Variants in GEM observed in about 807,000 individuals in gnomAD.
GEM encodes the protein GTP binding protein overexpressed in skeletal muscle, also known as GTP-binding protein GEM.
Under a neutral mutation model 33.0 loss-of-function variants are expected in GEM, and 31 were observed. That is an observed-to-expected ratio of 0.94 (90% CI 0.71 to 1.27). The LOEUF (loss-of-function observed/expected upper bound fraction) is 1.27, where lower values mean the gene tolerates loss of function less well. Ranked by LOEUF, GEM falls within the 50% of genes most tolerant of loss-of-function variation. The pLI, the probability that GEM is intolerant of heterozygous loss-of-function variation, is 0.00. For synonymous variants in GEM, 141 were observed against 143.7 expected, an observed-to-expected ratio of 0.98 and a Z score of 0.13; for missense variants, 354 against 390.5, an observed-to-expected ratio of 0.91 and a Z score of 0.79.
At chr8:94,259,408 G>A (rs1003318532) in intron 2 of GEM, among the ~76,000 whole-genome samples, 5 of 152,126 alleles carry the variant, frequency 3.3e-5, no homozygotes, top group Non-Finnish European at 5.9e-5. Flanking sequence ...TACCCTGGTC[G>A]CATACGCTCA....
chr8:94,251,331 G>T (rs991328423), intron 4 of GEM, among the ~76,000 whole-genome samples: 1 of 152,160 alleles, frequency 6.6e-6, no homozygotes, highest in African/African-American at 2.4e-5. Context: ...GATTACTGTA[G>T]ACAGTTGTGT....
chr8:94,252,105 C>A lies in GEM; in HGVS notation c.527G>T (p.Arg176Leu), dbSNP rs759240105. 7 of 1,613,980 alleles carry A rather than the reference C, an allele frequency of 4.3e-6. No individual in the cohort carries two copies. The African/African-American group carries it at 5.3e-5, about 12-fold the overall frequency. The change falls in exon 4 of 5, where the codon CGC (arginine) becomes CTC (leucine). Residue 176 changes from arginine (R) to leucine (L), a missense_variant. Transcript: ENST00000297596. ...EKASELRIQL[R>L]RARQTEDIPI... ...AATGTCCTCTGTCTGCCGGGCCCTGCGGAGCTGGATTCGCAGCTCAGATGC... is the reference window on the plus strand; with the variant it reads ...AATGTCCTCTGTCTGCCGGGCCCTGAGGAGCTGGATTCGCAGCTCAGATGC...
At chr8:94,254,900 C>T (rs17734840) in intron 2 of GEM, among the ~76,000 whole-genome samples, 13,432 of 152,278 alleles carry the variant, frequency 0.088, 707 homozygotes, top group Middle Eastern at 0.21. Context: ...TCTCGCCCAT[C>T]GTGTGCCTGC....
intron 1 of GEM, among the ~76,000 whole-genome samples, chr8:94,261,047 C>G (rs1409672520): frequency 6.6e-6 from 1 of 152,194 alleles, no homozygotes; most frequent in Non-Finnish European, 1.5e-5. Context: ...CACTGCAACC[C>G]TGGCTGGACT....
chr8:94,253,674 G>A (rs1372848002), intron 2 of GEM, among the ~76,000 whole-genome samples: 2 of 152,120 alleles, frequency 1.3e-5, no homozygotes, highest in Non-Finnish European at 2.9e-5. Flanking sequence ...AAAAAATGCT[G>A]TTCCCTAGGA....
In GEM at chr8:94,252,130, C is replaced by G. The variant is rs751539968; in HGVS notation, c.502G>C (p.Ala168Pro). Residue 168 changes from alanine (A) to proline (P), a missense_variant, in exon 4 of 5, where the codon GCA becomes CCA. Ala to Pro is a conservative substitution (Grantham distance 27). Transcript: ENST00000297596. ...SITDRASFEKASELRIQLRRA... is the reference protein window; with the variant it reads ...SITDRASFEKPSELRIQLRRA... ...CGGAGCTGGATTCGCAGCTCAGATGCCTTCTCGAAGCTCGCTCGGTCTGTG... is the reference window on the plus strand; with the variant it reads ...CGGAGCTGGATTCGCAGCTCAGATGGCTTCTCGAAGCTCGCTCGGTCTGTG... 1.2e-6 allele frequency: 2 copies of G among 1,613,678 alleles called. No individual in the cohort carries two copies. The highest frequency in any genetic ancestry group is 4.5e-5 in the East Asian group (2 of 44,882).
intron 2 of GEM, among the ~76,000 whole-genome samples, chr8:94,259,010 C>A (rs911605639): frequency 6.6e-6 from 1 of 152,174 alleles, no homozygotes; most frequent in African/African-American, 2.4e-5. Context: ...AGTCACCTGG[C>A]AGCCTTTACA....
rs75334292 is a variant in GEM at position 94,250,592 on chromosome 8, G to C, written c.614-5C>G. ...CCACTGCACAGGCTCTCCCTTCTGG[G>C]AAGGAAAGAAAGAGGTCAGAGGGAC... On this transcript the variant is annotated splice_region_variant and splice_polypyrimidine_tract_variant and intron_variant, in intron 4 of 4. Transcript: ENST00000297596. The C allele has an allele frequency of 0.072, 115,424 of 1,608,058 alleles. 4,708 individuals carry two copies. The highest frequency in any genetic ancestry group is 0.14 in the Admixed American group (8,282 of 59,610).
chr8:94,257,553 C>T (rs181493629), intron 2 of GEM, among the ~76,000 whole-genome samples: 87 of 152,310 alleles, frequency 5.7e-4, no homozygotes, highest in African/African-American at 2.0e-3. Flanking sequence ...ACTCTCCTTA[C>T]ACCACTTTCA....
rs1250016863 is a variant in GEM, at chr8:94,249,836, T to C, written c.*474A>G. The C allele has an allele frequency of 6.5e-6, 1 of 153,256 alleles. No individual in the cohort carries two copies. Among genetic ancestry groups the C allele is most frequent in the Non-Finnish European group, 1.5e-5 (1 of 68,854 alleles). 9.5% of individuals were successfully genotyped at this position (153,256 alleles called of 1,614,324 possible). On this transcript the variant is annotated 3_prime_UTR_variant, in exon 5 of 5. Transcript: ENST00000297596. ...ATAATAGTCACGATTCTGATGAGCC[T>C]AGTTCTACAATTCTAGCTCCATGGA... is the stretch of plus-strand genomic sequence containing the variant.
Position 94,252,131 on chromosome 8 carries a change from C to T in GEM, c.501G>A (p.Lys167=). Residue 167 remains lysine, a synonymous_variant, in exon 4 of 5, where the codon AAG becomes AAA. Transcript: ENST00000297596. ...GGAGCTGGATTCGCAGCTCAGATGC[C>T]TTCTCGAAGCTCGCTCGGTCTGTGA... The part of the protein sequence containing the change: ...YSITDRASFE[K]ASELRIQLRR... 1.2e-5 allele frequency: 19 copies of T among 1,613,772 alleles called. No individual in the cohort carries two copies. The highest frequency in any genetic ancestry group is 1.6e-5 in the Non-Finnish European group (19 of 1,179,684).
chr8:94,260,105 C>T, intron 2 of GEM, 68 bp downstream of exon 2: 1 of 1,020,580 alleles, frequency 9.8e-7, no homozygotes, highest in East Asian at 2.4e-5. Flanking sequence ...AAATAAGTCA[C>T]CCACCCTCAC....
chr8:94,254,221 G>C (rs1293672087), intron 2 of GEM, among the ~76,000 whole-genome samples: 5 of 152,058 alleles, frequency 3.3e-5, no homozygotes, highest in African/African-American at 4.8e-5. Flanking sequence ...ATTATTTTCT[G>C]TCCCTCCTGC....
rs763190160 is a variant in GEM, at chr8:94,250,262, G to A, written c.*48C>T. 4 of 1,454,692 alleles carry A rather than the reference G, an allele frequency of 2.7e-6. No individual in the cohort carries two copies. The East Asian group carries it at 6.8e-5, about 25-fold the overall frequency. The allele number at this position is 1,454,692 out of a possible 1,614,324, so 90.1% of individuals were successfully genotyped here. A position where few individuals can be genotyped will look rare whatever the true frequency, so the allele number is the denominator to read the frequency against. ...TCTAATATAGATTATTGGTCCCAAT[G>A]GCCTTCAACAACGGCCATCAAAGGG... On this transcript the variant is annotated 3_prime_UTR_variant, in exon 5 of 5. Transcript: ENST00000297596.
intron 2 of GEM, among the ~76,000 whole-genome samples, chr8:94,259,090 G>A (rs1808960402): frequency 6.6e-6 from 1 of 152,202 alleles, no homozygotes; most frequent in Admixed American, 6.5e-5. Flanking sequence ...TTCCAGGAGT[G>A]AGGAGAGAAA....
chr8:94,252,884 C>T (rs58260930), intron 3 of GEM, 152 bp downstream of exon 3: 2 of 557,662 alleles, frequency 3.6e-6, no homozygotes, highest in African/African-American at 3.9e-5. Flanking sequence ...TTCCTTAGAA[C>T]AGTCTCATTC....
intron 2 of GEM, among the ~76,000 whole-genome samples, chr8:94,254,487 A>T: frequency 6.6e-6 from 1 of 152,020 alleles, no homozygotes; most frequent in East Asian, 1.9e-4. Flanking sequence ...TAGTACTCAC[A>T]CCTTAGGGCT....
chr8:94,262,076 G>C lies in GEM; in HGVS notation c.-10+14C>G, dbSNP rs569840194. 20 of 152,422 alleles carry C rather than the reference G, an allele frequency of 1.3e-4. No homozygotes were observed. The highest frequency in any genetic ancestry group is 3.9e-4 in the Admixed American group (6 of 15,310). The allele number at this position is 152,422 out of a possible 1,614,324, so 9.4% of individuals were successfully genotyped here. A position where few individuals can be genotyped will look rare whatever the true frequency, so the allele number is the denominator to read the frequency against. ...AGAAGCGACATCCTTTGCACTTGAA[G>C]CTCTGACCCCTACCAGAAAATCCCA... On this transcript the variant is annotated intron_variant, in intron 1 of 4. Transcript: ENST00000297596.
intron 2 of GEM, among the ~76,000 whole-genome samples, chr8:94,259,150 C>T (rs1378280700): frequency 1.3e-5 from 2 of 152,126 alleles, no homozygotes; most frequent in African/African-American, 4.8e-5. Context: ...CCTGAGCTGC[C>T]TCATGAGGCA....
Sources: gnomAD v4.1 joint callset for allele counts (sites outside exome capture counted in the v4.1 genomes callset) on GRCh38, gnomAD v4.1.1 for gene constraint, MANE v1.5 for transcripts, NCBI Gene and HGNC (gene_info 2026-07-23, HGNC 2026-07-21) for gene names.